Variants in TUBGCP2 observed in about 807,000 individuals in gnomAD.
TUBGCP2 encodes the protein tubulin gamma complex component 2.
In TUBGCP2, 55 loss-of-function variants were observed where a neutral mutation model predicts 92.2. The observed-to-expected ratio is 0.60, with a 90% confidence interval of 0.48 to 0.75. TUBGCP2 has a LOEUF of 0.75. Ranked by LOEUF, TUBGCP2 falls within the 30% of genes least tolerant of loss-of-function variation. TUBGCP2 has a pLI of 0.00. For synonymous variants in TUBGCP2, 533 were observed against 505.2 expected (o/e 1.06, Z -0.74); for missense variants, 1,093 against 1,188.9 (o/e 0.92, Z 1.19).
upstream of TUBGCP2, chr10:133,311,689 C>T (rs1256138282): frequency 1.9e-6 from 3 of 1,594,418 alleles, no homozygotes; most frequent in Admixed American, 1.7e-5. Context: ...CCGTGCAGGG[C>T]AGTTACTCAC....
chr10:133,291,294 C>A (rs1249818379), intron 8 of TUBGCP2, among the ~76,000 whole-genome samples: 1 of 103,920 alleles, frequency 9.6e-6, no homozygotes, highest in Non-Finnish European at 1.8e-5. Flanking sequence ...TCCCTGTGTC[C>A]CGGGGAGCCC....
chr10:133,308,959 G>A (rs1383278536), upstream of TUBGCP2: 5 of 1,238,414 alleles, frequency 4.0e-6, no homozygotes, highest in East Asian at 1.3e-4. Context: ...GTTGCCCCCC[G>A]CGCTGTGCGC....
At chr10:133,305,324 G>A (rs772893715) in intron 1 of TUBGCP2, among the ~76,000 whole-genome samples, 2 of 152,216 alleles carry the variant, frequency 1.3e-5, no homozygotes, top group African/African-American at 2.4e-5. Flanking sequence ...TAACAGGGAA[G>A]GGCCCCATGT....
At chr10:133,312,076 C>A (rs1848003413), upstream of TUBGCP2, 1 of 1,458,962 alleles carries the variant, frequency 6.9e-7, no homozygotes, top group Non-Finnish European at 9.0e-7. Context: ...CCAAGCACCA[C>A]TCACTTTTCC....
At chr10:133,305,350 C>T (rs1564774999) in intron 1 of TUBGCP2, among the ~76,000 whole-genome samples, 1 of 152,214 alleles carries the variant, frequency 6.6e-6, no homozygotes, top group South Asian at 2.1e-4. Context: ...GGACACATGA[C>T]ACACATGACC....
Position 133,308,871 on chromosome 10 carries a change from G to A in TUBGCP2, c.-88C>T, listed in dbSNP as rs1297036694. 2.5e-6 allele frequency: 3 copies of A among 1,182,372 alleles called. No individual in the cohort carries two copies. Among genetic ancestry groups the A allele is most frequent in the East Asian group, 7.1e-5 (2 of 28,074 alleles). The allele number at this position is 1,182,372 out of a possible 1,614,324, so 73.2% of individuals were successfully genotyped here. On this transcript the variant is annotated 5_prime_UTR_variant, in exon 1 of 18. Coordinates refer to ENST00000252936, the MANE Select transcript of TUBGCP2 (RefSeq NM_006659.4). ...CGCGCAGCCCCCGACGGCGGCGGAA[G>A]TGAGCGTGACGTCACGTCCGGCTCG...
At chr10:133,300,284 A>C in intron 2 of TUBGCP2, 171 bp from the exon 3 acceptor site, 1 of 834,410 alleles carries the variant, frequency 1.2e-6, no homozygotes, top group Non-Finnish European at 1.8e-6. Context: ...TGTTAAACTT[A>C]TCCATGTTTT....
Position 133,279,393 on chromosome 10 carries a change from T to G in TUBGCP2, c.*373A>C. 1 of 213,186 alleles carries G rather than the reference T, an allele frequency of 4.7e-6. No homozygotes were observed. The highest frequency in any genetic ancestry group is 9.4e-6 in the Non-Finnish European group (1 of 106,720). The allele number at this position is 213,186 out of a possible 1,614,324, so 13.2% of individuals were successfully genotyped here. ...AGGCTTGTCCCGGTTCCGACAGACC[T>G]CAGGAAGCCCGGCCCCAGCTCACCC... On this transcript the variant is annotated 3_prime_UTR_variant, in exon 18 of 18. Transcript: ENST00000252936.
At chr10:133,310,059 G>C, upstream of TUBGCP2, 2 of 1,609,058 alleles carry the variant, frequency 1.2e-6, no homozygotes, top group South Asian at 1.1e-5. Context: ...TCGGGTGCTC[G>C]GGCAAGGCCG....
Position 133,281,187 on chromosome 10 carries a change from G to A in TUBGCP2, c.2573+86C>T, listed in dbSNP as rs1846964693. ...AGGGGCAGGTGCTGGACTGAGCTGA[G>A]GAAGGGCTGAGCCAGGGCGGTGCTG... On this transcript the variant is annotated intron_variant, in intron 17 of 17. Transcript: ENST00000252936. 6 of 1,423,726 alleles carry A rather than the reference G, an allele frequency of 4.2e-6. No homozygotes were observed. In the East Asian group the frequency reaches 1.4e-4, roughly 34 times the overall value. 88.2% of individuals were successfully genotyped at this position (1,423,726 alleles called of 1,614,324 possible). A position where few individuals can be genotyped will look rare whatever the true frequency, so the allele number is the denominator to read the frequency against.
At chr10:133,297,643 C>A (rs978532697) in intron 5 of TUBGCP2, among the ~76,000 whole-genome samples, 4 of 152,246 alleles carry the variant, frequency 2.6e-5, no homozygotes, top group Non-Finnish European at 5.9e-5. Context: ...ACCAGGGCAC[C>A]AGGATGCCGG....
At chr10:133,290,100 G>A (rs1397498479) in intron 8 of TUBGCP2, 131 bp from the exon 9 acceptor site, 2 of 1,301,600 alleles carry the variant, frequency 1.5e-6, no homozygotes, top group African/African-American at 1.5e-5. Flanking sequence ...TTCCACAAGG[G>A]CCGAGCCTAA....
chr10:133,311,737 A>T, upstream of TUBGCP2: 30 of 1,613,576 alleles, frequency 1.9e-5, no homozygotes, highest in Non-Finnish European at 2.5e-5. Flanking sequence ...CAGAAGCCCC[A>T]GGGGACAGTG....
upstream of TUBGCP2, chr10:133,309,318 T>A (rs1009509389): frequency 4.0e-4 from 615 of 1,533,378 alleles, no homozygotes; most frequent in Non-Finnish European, 5.1e-4. Context: ...GGGCCACGGG[T>A]GTGGGCGAGG....
At chr10:133,309,229 T>G (rs17553753), upstream of TUBGCP2, 32 of 960,894 alleles carry the variant, frequency 3.3e-5, no homozygotes, top group African/African-American at 4.2e-4. Context: ...AGGCGGGACC[T>G]GAGGTGGTGG....
upstream of TUBGCP2, chr10:133,310,062 C>T: frequency 6.2e-7 from 1 of 1,609,164 alleles, no homozygotes; most frequent in South Asian, 1.1e-5. Flanking sequence ...GGTGCTCGGG[C>T]AAGGCCGGGG....
chr10:133,309,716 A>G, upstream of TUBGCP2: 1 of 1,590,586 alleles, frequency 6.3e-7, no homozygotes, highest in Non-Finnish European at 8.6e-7. Flanking sequence ...AACTGTGCAG[A>G]AAGTCCAGCT....
At chr10:133,289,743 C>T (rs562376370) in intron 9 of TUBGCP2, 81 bp downstream of exon 9, 28 of 1,502,576 alleles carry the variant, frequency 1.9e-5, no homozygotes, top group Admixed American at 1.4e-4. Flanking sequence ...CACAGGCTCC[C>T]GGTGGGAGGG....
intron 1 of TUBGCP2, among the ~76,000 whole-genome samples, chr10:133,306,509 T>G (rs1847821394): frequency 6.6e-6 from 1 of 152,154 alleles, no homozygotes; most frequent in Non-Finnish European, 1.5e-5. Flanking sequence ...AACTACATGC[T>G]GGGCACGGTG....
Sources: allele counts gnomAD v4.1 joint callset (sites outside exome capture counted in the v4.1 genomes callset), GRCh38; gene constraint gnomAD v4.1.1; transcripts MANE v1.5; gene names NCBI Gene and HGNC (gene_info 2026-07-23, HGNC 2026-07-21).